The following SPAG16 variants were observed in gnomAD, a reference collection of about 807,000 sequenced individuals.
SPAG16 encodes sperm-associated antigen 16 protein.
SPAG16 carries 86 observed loss-of-function variants against 80.4 expected under a neutral mutation model. The ratio of observed to expected loss-of-function variants is 1.07; its 90% CI spans 0.90 to 1.28. The LOEUF is 1.28. Ranked by LOEUF, SPAG16 falls within the 50% of genes most tolerant of loss-of-function variation. SPAG16 has a pLI of 0.00. For synonymous variants in SPAG16, 294 were observed against 265.9 expected, an observed-to-expected ratio of 1.11 and a Z score of -1.03; for missense variants, 870 against 765.3, an observed-to-expected ratio of 1.14 and a Z score of -1.61.
intron 13 of SPAG16, among the ~76,000 whole-genome samples, chr2:214,027,646 A>C (rs1202845854): frequency 6.6e-6 from 1 of 151,826 alleles, no homozygotes. Context: ...CTTACCACTT[A>C]AGTTTTAGAA....
At chr2:213,612,637 T>A (rs1413919692) in intron 10 of SPAG16, among the ~76,000 whole-genome samples, 2 of 152,202 alleles carry the variant, frequency 1.3e-5, no homozygotes, top group African/African-American at 2.4e-5. Context: ...TTGTTCCTTC[T>A]TCGCGCTCAC....
At chr2:214,241,358 CA>C (rs34846102) in intron 15 of SPAG16, 23,637 of 107,206 alleles carry the variant, frequency 0.22, 2,232 homozygotes, top group East Asian at 0.35. Context: ...ACTCCGTTGC[CA>C]AAAAAAAAAA....
At chr2:213,812,638 A>T (rs1229858694) in intron 10 of SPAG16, among the ~76,000 whole-genome samples, 3 of 151,792 alleles carry the variant, frequency 2.0e-5, no homozygotes, top group Non-Finnish European at 4.4e-5. Context: ...ACATGCTAGG[A>T]TTTTTTTTCT....
At chr2:213,758,218 A>G (rs768152472) in intron 10 of SPAG16, 3 of 153,262 alleles carry the variant, frequency 2.0e-5, no homozygotes, top group Non-Finnish European at 2.9e-5. Context: ...CAATATAAAA[A>G]GCAAAATCAT....
intron 10 of SPAG16, among the ~76,000 whole-genome samples, chr2:213,563,186 A>G (rs1043251328): frequency 6.6e-6 from 1 of 152,048 alleles, no homozygotes; most frequent in Non-Finnish European, 1.5e-5. Flanking sequence ...TTTTGGTTTT[A>G]TATTCATAAT....
At chr2:213,354,070 G>T (rs1236086719) in intron 7 of SPAG16, among the ~76,000 whole-genome samples, 1 of 152,060 alleles carries the variant, frequency 6.6e-6, no homozygotes, top group Non-Finnish European at 1.5e-5. Context: ...GGTGTGTGAC[G>T]CTCCCTGCCC....
At chr2:214,156,934 G>C (rs2056240823) in intron 15 of SPAG16, among the ~76,000 whole-genome samples, 1 of 152,196 alleles carries the variant, frequency 6.6e-6, no homozygotes, top group African/African-American at 2.4e-5. Context: ...TCTGGACACA[G>C]AGCTGTAAGA....
chr2:213,582,837 A>T (rs1330663388), intron 10 of SPAG16, among the ~76,000 whole-genome samples: 1 of 152,264 alleles, frequency 6.6e-6, no homozygotes, highest in East Asian at 1.9e-4. Context: ...TTTGGAAGTT[A>T]TCTTTTTAGG....
At chr2:214,331,857 G>T (rs1696939334) in intron 15 of SPAG16, among the ~76,000 whole-genome samples, 3 of 152,204 alleles carry the variant, frequency 2.0e-5, no homozygotes, top group African/African-American at 7.2e-5. Context: ...AATGGAGCTG[G>T]CTAAAGCTTT....
chr2:214,383,459 T>G lies in SPAG16; in HGVS notation c.1721-26681T>G, dbSNP rs555716272. ...ATGGTGGTGCACCTGTAGTCCCAGC[T>G]GCTTGGGAGGCTGAGGCATGCCAAT... On this transcript the variant is annotated intron_variant, in intron 15 of 15. Coordinates refer to ENST00000331683, the MANE Select transcript of SPAG16 (RefSeq NM_024532.5). Among the ~76,000 whole-genome samples the G allele has an allele frequency of 4.6e-5, 7 of 151,682 alleles. No homozygotes were observed. In the South Asian group the frequency reaches 1.5e-3, roughly 32 times the overall value.
intron 10 of SPAG16, among the ~76,000 whole-genome samples, chr2:213,584,922 C>T (rs1229790266): frequency 1.3e-5 from 2 of 152,126 alleles, no homozygotes; most frequent in Non-Finnish European, 2.9e-5. Flanking sequence ...AGCAAGGTGG[C>T]TCACGCCAGT....
chr2:213,670,619 T>G (rs992003910), intron 10 of SPAG16, among the ~76,000 whole-genome samples: 1 of 152,002 alleles, frequency 6.6e-6, no homozygotes, highest in Non-Finnish European at 1.5e-5. Context: ...TTAGGAAAAA[T>G]AAAAGATAAT....
chr2:213,791,527 T>G (rs941626194), intron 10 of SPAG16, among the ~76,000 whole-genome samples: 2 of 152,092 alleles, frequency 1.3e-5, no homozygotes, highest in African/African-American at 4.8e-5. Context: ...AATAAGAGCA[T>G]TAAACCATGT....
chr2:214,361,449 A>G (rs527785404), intron 15 of SPAG16, among the ~76,000 whole-genome samples: 1 of 151,952 alleles, frequency 6.6e-6, no homozygotes, highest in Non-Finnish European at 1.5e-5. Context: ...CTTATCTATT[A>G]TTATAGAGTC....
intron 13 of SPAG16, among the ~76,000 whole-genome samples, chr2:214,102,275 AG>A (rs2053101105): frequency 6.6e-6 from 1 of 152,112 alleles, no homozygotes; most frequent in African/African-American, 2.4e-5. Context: ...TTTTAGAGGC[AG>A]GAGACTACAA....
At chr2:214,341,314 A>G (rs185765022) in intron 15 of SPAG16, among the ~76,000 whole-genome samples, 3 of 152,276 alleles carry the variant, frequency 2.0e-5, no homozygotes, top group South Asian at 2.1e-4. Flanking sequence ...AGTTCTAGAA[A>G]GAAAAAATTA....
At chr2:213,787,826 A>T (rs1669042274) in intron 10 of SPAG16, among the ~76,000 whole-genome samples, 1 of 152,060 alleles carries the variant, frequency 6.6e-6, no homozygotes, top group Non-Finnish European at 1.5e-5. Context: ...AAAATTTTAA[A>T]ATCACATACT....
intron 10 of SPAG16, among the ~76,000 whole-genome samples, chr2:213,604,482 G>C (rs1477279733): frequency 6.6e-6 from 1 of 152,060 alleles, no homozygotes; most frequent in African/African-American, 2.4e-5. Flanking sequence ...ATGAACAATT[G>C]AATTATGTGT....
chr2:213,472,123 G>C (rs1337490583), intron 9 of SPAG16, among the ~76,000 whole-genome samples: 1 of 152,134 alleles, frequency 6.6e-6, no homozygotes, highest in Non-Finnish European at 1.5e-5. Context: ...AGCGATCAAG[G>C]TGTCTCCGAA....
Sources: allele counts gnomAD v4.1 joint callset (sites outside exome capture counted in the v4.1 genomes callset), GRCh38; gene constraint gnomAD v4.1.1; transcripts MANE v1.5; gene names NCBI Gene and HGNC (gene_info 2026-07-23, HGNC 2026-07-21).